The following PDZRN4 variants were observed in gnomAD, a reference collection of about 807,000 sequenced individuals.
PDZRN4 encodes PDZ domain-containing RING finger protein 4.
A neutral mutation model predicts 99.0 loss-of-function variants in PDZRN4; 70 were observed. That is an observed-to-expected ratio of 0.71 (90% CI 0.58 to 0.86). The LOEUF is 0.86. Ranked by LOEUF, PDZRN4 falls within the 40% of genes least tolerant of loss-of-function variation. The pLI, the probability that PDZRN4 is intolerant of heterozygous loss-of-function variation, is 0.00. For missense variants in PDZRN4, 1,474 were observed against 1,331.2 expected (o/e 1.11, Z -1.67); for synonymous variants, 551 against 501.6 (o/e 1.10, Z -1.32).
At chr12:41,497,620 T>C (rs1938032759) in intron 3 of PDZRN4, among the ~76,000 whole-genome samples, 1 of 152,150 alleles carries the variant, frequency 6.6e-6, no homozygotes. Flanking sequence ...CTTTTTGTAG[T>C]AATGAAAGAA....
chr12:41,316,663 A>G (rs966320572), intron 3 of PDZRN4, among the ~76,000 whole-genome samples: 2 of 152,072 alleles, frequency 1.3e-5, no homozygotes. Context: ...TGTATGGCTT[A>G]TAAGATCACT....
At chr12:41,404,835 C>T (rs1385014966) in intron 3 of PDZRN4, among the ~76,000 whole-genome samples, 1 of 145,164 alleles carries the variant, frequency 6.9e-6, no homozygotes, top group Non-Finnish European at 1.5e-5. Context: ...CATACGCTTA[C>T]ATCTAATCTT....
At chr12:41,540,350 G>A (rs1417566468) in intron 5 of PDZRN4, among the ~76,000 whole-genome samples, 1 of 152,136 alleles carries the variant, frequency 6.6e-6, no homozygotes, top group Admixed American at 6.6e-5. Context: ...AGTACGGCAT[G>A]GAAGAGATTT....
intron 3 of PDZRN4, among the ~76,000 whole-genome samples, chr12:41,195,309 T>C (rs897490595): frequency 1.3e-5 from 2 of 152,328 alleles, no homozygotes; most frequent in South Asian, 2.1e-4. Context: ...GACTCCACTA[T>C]TGTTTTTAAA....
At chr12:41,373,805 T>C (rs1295328553) in intron 3 of PDZRN4, among the ~76,000 whole-genome samples, 1 of 152,132 alleles carries the variant, frequency 6.6e-6, no homozygotes, top group Non-Finnish European at 1.5e-5. Context: ...GTGATAAGTG[T>C]CCATGAAATC....
intron 3 of PDZRN4, among the ~76,000 whole-genome samples, chr12:41,226,565 G>T (rs550345098): frequency 9.9e-5 from 15 of 151,686 alleles, no homozygotes; most frequent in Non-Finnish European, 1.9e-4. Flanking sequence ...AAAAAAAAAT[G>T]AACGTAAGGA....
chr12:41,459,908 T>C, intron 3 of PDZRN4: 1 of 1,242,964 alleles, frequency 8.0e-7, no homozygotes, highest in Non-Finnish European at 1.0e-6. Flanking sequence ...CAATTACAGC[T>C]TTACTGTTTT....
At chr12:41,300,094 G>T (rs569212382) in intron 3 of PDZRN4, among the ~76,000 whole-genome samples, 2 of 151,790 alleles carry the variant, frequency 1.3e-5, no homozygotes, top group Non-Finnish European at 3.0e-5. Context: ...AATGTATATT[G>T]TTATGTCATC....
intron 8 of PDZRN4, 46 bp from the exon 9 acceptor site, chr12:41,567,737 G>C: frequency 8.2e-7 from 1 of 1,225,046 alleles, no homozygotes; most frequent in South Asian, 1.4e-5. Context: ...ATTTTAACAT[G>C]AGTTCTCACT....
At chr12:41,310,157 T>A (rs1951597155) in intron 3 of PDZRN4, among the ~76,000 whole-genome samples, 1 of 152,176 alleles carries the variant, frequency 6.6e-6, no homozygotes, top group African/African-American at 2.4e-5. Flanking sequence ...GGTCTTGAAC[T>A]ACTGACCTCA....
At chr12:41,429,191 T>C (rs1006161809) in intron 3 of PDZRN4, among the ~76,000 whole-genome samples, 1 of 152,236 alleles carries the variant, frequency 6.6e-6, no homozygotes, top group Admixed American at 6.5e-5. Flanking sequence ...TTACTTTTCT[T>C]AAAACCTCCA....
chr12:41,456,132 C>A (rs1297134912), intron 3 of PDZRN4, among the ~76,000 whole-genome samples: 1 of 152,214 alleles, frequency 6.6e-6, no homozygotes, highest in Admixed American at 6.5e-5. Flanking sequence ...ATCGTCCACC[C>A]TGCTGCCAGT....
chr12:41,232,410 C>G (rs1183740494), intron 3 of PDZRN4, among the ~76,000 whole-genome samples: 1 of 152,010 alleles, frequency 6.6e-6, no homozygotes, highest in East Asian at 1.9e-4. Context: ...TAGGCAGTTC[C>G]TGGATCTGTA....
At chr12:41,489,056 T>G (rs1937831573) in intron 3 of PDZRN4, among the ~76,000 whole-genome samples, 1 of 152,170 alleles carries the variant, frequency 6.6e-6, no homozygotes, top group Non-Finnish European at 1.5e-5. Context: ...TAAAATAAAT[T>G]TGTAAACTTT....
At chr12:41,565,131 G>T (rs1173657033) in intron 8 of PDZRN4, among the ~76,000 whole-genome samples, 1 of 152,064 alleles carries the variant, frequency 6.6e-6, no homozygotes, top group Non-Finnish European at 1.5e-5. Context: ...TGGAAAATTT[G>T]AGTATCTGGC....
At chr12:41,510,159 T>C (rs1938282077) in intron 5 of PDZRN4, among the ~76,000 whole-genome samples, 1 of 152,146 alleles carries the variant, frequency 6.6e-6, no homozygotes, top group Non-Finnish European at 1.5e-5. Flanking sequence ...ATAAATAATA[T>C]TGCAACAGCT....
rs969465632 is a variant in PDZRN4 at position 41,311,093 on chromosome 12, A to G, written c.843+116905A>G. On this transcript the variant is annotated intron_variant, in intron 3 of 9. Transcript: ENST00000402685. ...CAAATCATCAAAAATAGATGAAAGCATTAAATAATTTGATTATCCTTGTCA... is the reference window on the plus strand; with the variant it reads ...CAAATCATCAAAAATAGATGAAAGCGTTAAATAATTTGATTATCCTTGTCA... Among the ~76,000 whole-genome samples the G allele has an allele frequency of 2.0e-5, 3 of 152,190 alleles. No individual in the cohort carries two copies. The South Asian group carries it at 6.2e-4, about 32-fold the overall frequency.
At chr12:41,509,972 GTA>G (rs1938279594) in intron 5 of PDZRN4, 59 bp downstream of exon 5, 1 of 767,032 alleles carries the variant, frequency 1.3e-6, no homozygotes, top group Non-Finnish European at 2.2e-6. Context: ...GAGGGGTTTT[GTA>G]TAACAAAGAA....
At chr12:41,390,369 C>T (rs982535581) in intron 3 of PDZRN4, among the ~76,000 whole-genome samples, 11 of 151,678 alleles carry the variant, frequency 7.3e-5, no homozygotes, top group Admixed American at 5.9e-4. Context: ...ATTTTATTTC[C>T]GAAGTTGATT....
Sources: allele counts gnomAD v4.1 joint callset (sites outside exome capture counted in the v4.1 genomes callset), GRCh38; gene constraint gnomAD v4.1.1; transcripts MANE v1.5; gene names NCBI Gene and HGNC (gene_info 2026-07-23, HGNC 2026-07-21).